DHX8: variants seen among roughly 807,000 people sequenced by gnomAD.
DHX8 encodes DEAH-box helicase 8, also known as ATP-dependent RNA helicase DHX8.
Under a neutral mutation model 140.7 loss-of-function variants are expected in DHX8, and 67 were observed. The observed-to-expected ratio is 0.48, with a 90% CI of 0.39 to 0.58. The LOEUF is 0.58. Ranked by LOEUF, DHX8 falls within the 20% of genes least tolerant of loss-of-function variation. DHX8 has a pLI of 0.00. For missense variants in DHX8, 887 were observed against 1,550.7 expected, an observed-to-expected ratio of 0.57 and a Z score of 7.19; for synonymous variants, 533 against 553.2, an observed-to-expected ratio of 0.96 and a Z score of 0.51.
At position 43,484,018 on chromosome 17, in the gene DHX8, G is replaced by T. The variant is rs927726724; in HGVS notation, c.-20G>T. 1 of 1,613,822 alleles carries T rather than the reference G, an allele frequency of 6.2e-7. No individual in the cohort carries two copies. Among genetic ancestry groups the T allele is most frequent in the Non-Finnish European group, 8.5e-7 (1 of 1,179,860 alleles). On this transcript the variant is annotated 5_prime_UTR_variant, in exon 1 of 23. Coordinates refer to ENST00000262415, the MANE Select transcript of DHX8 (RefSeq NM_004941.3). The stretch of plus-strand genomic sequence containing the variant: ...CTGAGCGCCGGCTGTGAGGAAGGAG[G>T]TTCTGGGCAAGCTATAGCCATGGCT...
At chr17:43,491,112 T>C in intron 3 of DHX8, 53 bp from the exon 4 acceptor site, 5 of 751,306 alleles carry the variant, frequency 6.7e-6, no homozygotes, top group Non-Finnish European at 1.0e-5. Flanking sequence ...TCATTAATAA[T>C]ATTAAATATA....
intron 6 of DHX8, 135 bp from the exon 7 acceptor site, chr17:43,493,310 A>G (rs1968648014): frequency 3.2e-6 from 4 of 1,268,818 alleles, no homozygotes; most frequent in Non-Finnish European, 4.3e-6. Context: ...ATACTATTTT[A>G]TTGTTTGACC....
rs1429447927 is a variant in DHX8 at position 43,484,202 on chromosome 17, C to T, written c.148+17C>T. ...AGGACCTTGGTGAGCTCGGGGAGGT[C>T]CCTGGGACCTCAGTTTGGGATTGAG... On this transcript the variant is annotated intron_variant, in intron 1 of 22. Coordinates refer to ENST00000262415, the MANE Select transcript of DHX8 (RefSeq NM_004941.3). The T allele has an allele frequency of 6.2e-7, 1 of 1,609,498 alleles. No homozygotes were observed. Among genetic ancestry groups the T allele is most frequent in the Non-Finnish European group, 8.5e-7 (1 of 1,178,346 alleles).
At chr17:43,493,365 G>C (rs1968651766) in intron 6 of DHX8, 80 bp from the exon 7 acceptor site, 3 of 1,546,242 alleles carry the variant, frequency 1.9e-6, no homozygotes, top group South Asian at 2.4e-5. Flanking sequence ...ATTTTCTTTT[G>C]TTAGTTCCAG....
intron 2 of DHX8, among the ~76,000 whole-genome samples, chr17:43,535,484 C>T (rs1291374976): frequency 6.6e-6 from 1 of 152,056 alleles, no homozygotes; most frequent in Non-Finnish European, 1.5e-5. Context: ...ATCATGTTGG[C>T]CAGGTTGGTC....
intron 2 of DHX8, among the ~76,000 whole-genome samples, chr17:43,533,630 G>A (rs919212337): frequency 3.9e-5 from 6 of 152,098 alleles, no homozygotes; most frequent in African/African-American, 1.4e-4. Context: ...TGGGCCTCTT[G>A]GTGGAAACAG....
chr17:43,488,333 C>T (rs183309117), intron 1 of DHX8, among the ~76,000 whole-genome samples: 1 of 151,000 alleles, frequency 6.6e-6, no homozygotes, highest in African/African-American at 2.4e-5. Flanking sequence ...GCAGGTGTGC[C>T]GGGCACAGTG....
chr17:43,497,727 C>T (rs1968945504), intron 9 of DHX8, among the ~76,000 whole-genome samples: 1 of 151,856 alleles, frequency 6.6e-6, no homozygotes, highest in Admixed American at 6.6e-5. Context: ...TGTGCTGTAG[C>T]CTGGGCAACA....
rs1183114683 is a variant in DHX8, at chr17:43,484,056, A to C, written c.19A>C (p.Met7Leu). The change falls in exon 1 of 23, where the codon ATG becomes CTG. Residue 7 changes from methionine to leucine, a missense_variant. Transcript: ENST00000262415. MAVAVA[M>L]AGALIGSEPG... ...TATAGCCATGGCTGTGGCTGTAGCCATGGCGGGAGCCTTAATCGGGTCGGA... is the reference window on the plus strand; with the variant it reads ...TATAGCCATGGCTGTGGCTGTAGCCCTGGCGGGAGCCTTAATCGGGTCGGA... The C allele has an allele frequency of 6.2e-7, 1 of 1,614,180 alleles. No homozygotes were observed. Among genetic ancestry groups the C allele is most frequent in the Non-Finnish European group, 8.5e-7 (1 of 1,180,008 alleles).
intron 2 of DHX8, chr17:43,536,170 G>A: frequency 2.0e-6 from 1 of 512,148 alleles, no homozygotes; most frequent in Non-Finnish European, 3.5e-6. Context: ...TGCTGAACTG[G>A]CCCAGGCCCC....
intron 3 of DHX8, among the ~76,000 whole-genome samples, chr17:43,490,728 G>A (rs1397854020): frequency 1.3e-5 from 2 of 152,064 alleles, no homozygotes; most frequent in South Asian, 2.1e-4. Flanking sequence ...AAAAAAATTA[G>A]CCAGGCATGA....
At chr17:43,539,794 G>C (rs1477182492) in intron 3 of DHX8, among the ~76,000 whole-genome samples, 1 of 152,148 alleles carries the variant, frequency 6.6e-6, no homozygotes, top group Non-Finnish European at 1.5e-5. Flanking sequence ...TCTCACAGGG[G>C]ATATTTTAGG....
intron 22 of DHX8, among the ~76,000 whole-genome samples, chr17:43,522,604 C>T (rs1052076267): frequency 1.3e-5 from 2 of 151,716 alleles, no homozygotes; most frequent in Admixed American, 6.6e-5. Flanking sequence ...CAAAATTAGC[C>T]AGGTATGGTG....
At chr17:43,541,503 A>G (rs772334832) in intron 3 of DHX8, among the ~76,000 whole-genome samples, 5 of 150,538 alleles carry the variant, frequency 3.3e-5, no homozygotes, top group Non-Finnish European at 7.4e-5. Context: ...AGAGAGAGAA[A>G]GAATTTTAGG....
intron 2 of DHX8, among the ~76,000 whole-genome samples, chr17:43,532,235 C>A (rs1970979386): frequency 6.6e-6 from 1 of 152,158 alleles, no homozygotes; most frequent in African/African-American, 2.4e-5. Flanking sequence ...TGAGGTGGCT[C>A]ATGTCTATAA....
intron 18 of DHX8, chr17:43,519,362 TG>T (rs1273750900): frequency 2.0e-5 from 3 of 152,254 alleles, no homozygotes; most frequent in African/African-American, 7.2e-5. Context: ...CTACTGATGT[TG>T]TGCATCTGTG....
intron 22 of DHX8, among the ~76,000 whole-genome samples, chr17:43,523,422 T>G (rs949747475): frequency 6.6e-6 from 1 of 151,614 alleles, no homozygotes; most frequent in African/African-American, 2.4e-5. Flanking sequence ...GAATACATTC[T>G]CCTGAGACCT....
At chr17:43,521,318 C>A in intron 20 of DHX8, 51 bp from the exon 21 acceptor site, 1 of 1,477,944 alleles carries the variant, frequency 6.8e-7, no homozygotes, top group Non-Finnish European at 9.2e-7. Context: ...GCTCCATGTT[C>A]AGTTAGTAGC....
At chr17:43,531,670 AAAAC>A (rs577174812), downstream of DHX8, among the ~76,000 whole-genome samples, 66 of 152,302 alleles carry the variant, frequency 4.3e-4, no homozygotes, top group South Asian at 0.011. Flanking sequence ...ACTCCATCTC[AAAAC>A]AAACAAACAG....
Sources: gnomAD v4.1 joint callset for allele counts (sites outside exome capture counted in the v4.1 genomes callset) on GRCh38, gnomAD v4.1.1 for gene constraint, MANE v1.5 for transcripts, NCBI Gene and HGNC (gene_info 2026-07-23, HGNC 2026-07-21) for gene names.